The following NUGGC variants were observed in gnomAD, a reference collection of about 807,000 sequenced individuals.
NUGGC encodes the protein nuclear GTPase, germinal center associated.
In NUGGC, 58 loss-of-function variants were observed where a neutral mutation model predicts 92.6. That is an observed-to-expected ratio of 0.63 (90% CI 0.51 to 0.78). The LOEUF (loss-of-function observed/expected upper bound fraction) is 0.78, where lower values mean the gene tolerates loss of function less well. Ranked by LOEUF, NUGGC falls within the 30% of genes least tolerant of loss-of-function variation. The pLI is 0.00. For synonymous variants in NUGGC, 376 were observed against 366.4 expected, an observed-to-expected ratio of 1.03 and a Z score of -0.30; for missense variants, 925 against 964.6, an observed-to-expected ratio of 0.96 and a Z score of 0.54.
chr8:28,074,067 G>A (rs1454893093), intron 2 of NUGGC, among the ~76,000 whole-genome samples: 3 of 151,380 alleles, frequency 2.0e-5, no homozygotes, highest in African/African-American at 7.3e-5. Flanking sequence ...CCAAATTGCT[G>A]GGATTACAGG....
chr8:28,062,909 A>G (rs561811636), intron 7 of NUGGC, among the ~76,000 whole-genome samples: 2 of 152,334 alleles, frequency 1.3e-5, no homozygotes, highest in East Asian at 3.9e-4. Context: ...AGAAGATACA[A>G]AAAAGCATTT....
At chr8:28,025,015 G>A in intron 18 of NUGGC, among the ~76,000 whole-genome samples, 1 of 152,100 alleles carries the variant, frequency 6.6e-6, no homozygotes, top group East Asian at 1.9e-4. Flanking sequence ...CCCTTTCTGT[G>A]TTTCGCTTCC....
chr8:28,065,574 C>A (rs1269121699), intron 6 of NUGGC, among the ~76,000 whole-genome samples: 4 of 152,122 alleles, frequency 2.6e-5, no homozygotes, highest in Non-Finnish European at 5.9e-5. Context: ...GGGAATAGTT[C>A]TTAGACCACG....
chr8:28,052,103 T>A (rs758183506), intron 10 of NUGGC, among the ~76,000 whole-genome samples: 3 of 152,222 alleles, frequency 2.0e-5, no homozygotes, highest in Non-Finnish European at 4.4e-5. Context: ...TGTGCCTGTG[T>A]CTCAGCCTTG....
intron 10 of NUGGC, among the ~76,000 whole-genome samples, chr8:28,054,190 G>A (rs1049500088): frequency 8.5e-5 from 13 of 152,080 alleles, no homozygotes; most frequent in African/African-American, 3.1e-4. Context: ...AGTTGTACAA[G>A]ACTATTATAG....
At chr8:28,061,961 G>C (rs967779135) in intron 7 of NUGGC, among the ~76,000 whole-genome samples, 1 of 152,110 alleles carries the variant, frequency 6.6e-6, no homozygotes, top group South Asian at 2.1e-4. Context: ...AGCATGGGAG[G>C]CTTTTTCAAA....
intron 6 of NUGGC, 115 bp from the exon 7 acceptor site, chr8:28,064,846 C>CTGTTGG: frequency 1.2e-6 from 1 of 805,366 alleles, no homozygotes; most frequent in Non-Finnish European, 2.0e-6. Flanking sequence ...GAAGTGCGTC[C>CTGTTGG]AACAGGAGGC....
Position 28,041,036 on chromosome 8 carries a change from G to A in NUGGC, c.1611+15C>T, listed in dbSNP as rs1197263005. The A allele has an allele frequency of 5.0e-6, 8 of 1,588,030 alleles. No individual in the cohort carries two copies. The highest frequency in any genetic ancestry group is 6.9e-6 in the Non-Finnish European group (8 of 1,165,456). On this transcript the variant is annotated intron_variant, in intron 13 of 18. Coordinates refer to ENST00000413272, the MANE Select transcript of NUGGC (RefSeq NM_001010906.2). ...CTCCTGGAATATCTGAGTTTTCCCT[G>A]GAAGGGTCACTCACCACCAAGCATG...
chr8:28,067,513 C>T lies in NUGGC; in HGVS notation c.711+1G>A. On this transcript the variant is annotated splice_donor_variant, in intron 6 of 18. Transcript: ENST00000413272. LOFTEE classifies it high-confidence loss of function. The stretch of plus-strand genomic sequence containing the variant: ...CAAGGAAAAAACGAACTTGACGCTA[C>T]CTCTTCCGCCTTGAGGGTGATGACT... The T allele has an allele frequency of 6.3e-7, 1 of 1,597,606 alleles. No homozygotes were observed. Among genetic ancestry groups the T allele is most frequent in the South Asian group, 1.1e-5 (1 of 88,434 alleles).
In NUGGC at chr8:28,074,386, C is replaced by T. The variant is rs770703446; in HGVS notation, c.25G>A (p.Gly9Ser). The T allele has an allele frequency of 2.7e-5, 44 of 1,613,264 alleles. No individual in the cohort carries two copies. The highest frequency in any genetic ancestry group is 3.6e-5 in the Non-Finnish European group (43 of 1,179,446). MAETKDVF[G>S]QEPHPVEDDL... ...ATGTTACCTGGATGCGGTTCCTGGCCAAAAACATCCTTCGTTTCTGCCATT... is the reference window on the plus strand; with the variant it reads ...ATGTTACCTGGATGCGGTTCCTGGCTAAAAACATCCTTCGTTTCTGCCATT... The change falls in exon 2 of 19, where the codon GGC becomes AGC. Residue 9 changes from glycine to serine, a missense_variant. Gly to Ser is a moderately conservative substitution (Grantham distance 56). Transcript: ENST00000413272.
At chr8:28,034,945 C>T (rs1585558580) in intron 13 of NUGGC, among the ~76,000 whole-genome samples, 1 of 152,052 alleles carries the variant, frequency 6.6e-6, no homozygotes, top group African/African-American at 2.4e-5. Context: ...AATAATGATA[C>T]GATGTTAGTA....
chr8:28,077,344 C>G (rs544353641), intron 1 of NUGGC, among the ~76,000 whole-genome samples: 11 of 151,412 alleles, frequency 7.3e-5, no homozygotes, highest in Non-Finnish European at 1.0e-4. Context: ...ATTCATTGAG[C>G]CCTGGAGTTT....
intron 10 of NUGGC, among the ~76,000 whole-genome samples, chr8:28,047,967 A>T (rs140258385): frequency 8.5e-5 from 13 of 152,348 alleles, no homozygotes; most frequent in Non-Finnish European, 1.6e-4. Flanking sequence ...ATAGGCAGTG[A>T]TGTGCTGCAG....
chr8:28,042,106 A>G (rs565134852), intron 12 of NUGGC, among the ~76,000 whole-genome samples: 1 of 152,318 alleles, frequency 6.6e-6, no homozygotes, highest in Non-Finnish European at 1.5e-5. Flanking sequence ...CATGTAAGAC[A>G]TGCCTTTTGC....
At chr8:28,024,348 C>T (rs1809201330) in intron 18 of NUGGC, among the ~76,000 whole-genome samples, 1 of 152,070 alleles carries the variant, frequency 6.6e-6, no homozygotes, top group African/African-American at 2.4e-5. Context: ...CCCGGCCAAG[C>T]CTTGGTTGGG....
intron 4 of NUGGC, among the ~76,000 whole-genome samples, chr8:28,068,735 TTTTG>T (rs1476873492): frequency 1.3e-5 from 2 of 152,170 alleles, no homozygotes; most frequent in Non-Finnish European, 2.9e-5. Flanking sequence ...ATATTCTTTT[TTTTG>T]TTTGTTTATG....
At chr8:28,027,112 A>T in intron 17 of NUGGC, 60 bp from the exon 18 acceptor site, 1 of 1,352,362 alleles carries the variant, frequency 7.4e-7, no homozygotes, top group Non-Finnish European at 1.1e-6. Context: ...AGTGGATCTT[A>T]TAAAAGGGAC....
At chr8:28,043,106 GATGAAA>G (rs1294881711) in intron 12 of NUGGC, among the ~76,000 whole-genome samples, 2 of 152,168 alleles carry the variant, frequency 1.3e-5, no homozygotes, top group East Asian at 3.8e-4. Context: ...TGTCACCAGT[GATGAAA>G]ATGAAAGAAG....
Position 28,067,623 on chromosome 8 carries a change from T to C in NUGGC, c.602A>G (p.Gln201Arg), listed in dbSNP as rs761412645. 4 of 1,614,042 alleles carry C rather than the reference T, an allele frequency of 2.5e-6. No individual in the cohort carries two copies. The highest frequency in any genetic ancestry group is 1.6e-4 in the Middle Eastern group (1 of 6,062). ...CTCTGCCCCATTTCCATAAATCATT[T>C]GTAGCTTCCAGGTGGCTTCCTCCAC... is the stretch of plus-strand genomic sequence containing the variant. ...EAVEEATWKL[Q>R]MIYGNGAESK... The change falls in exon 6 of 19, where the codon CAA (glutamine) becomes CGA (arginine). Residue 201 changes from glutamine to arginine, a missense_variant. Transcript: ENST00000413272.
Sources: allele counts gnomAD v4.1 joint callset (sites outside exome capture counted in the v4.1 genomes callset), GRCh38; gene constraint gnomAD v4.1.1; transcripts MANE v1.5; gene names NCBI Gene and HGNC (gene_info 2026-07-23, HGNC 2026-07-21).